RGS14: variants seen among roughly 807,000 people sequenced by gnomAD.
RGS14 encodes the protein regulator of G-protein signaling 14.
In RGS14, 33 loss-of-function variants were observed where a neutral mutation model predicts 63.8. That is an observed-to-expected ratio of 0.52 (90% CI 0.39 to 0.69). The LOEUF (loss-of-function observed/expected upper bound fraction) is 0.69, where lower values mean the gene tolerates loss of function less well. Among genes scored for constraint, RGS14 ranks in the 30% least tolerant of loss-of-function variants. The pLI, the probability that RGS14 is intolerant of heterozygous loss-of-function variation, is 0.00. For missense variants in RGS14, 739 were observed against 742.9 expected (o/e 0.99, Z 0.06); for synonymous variants, 296 against 320.9 (o/e 0.92, Z 0.83).
rs1409106476 is a variant in RGS14 at position 177,371,494 on chromosome 5, A to C, written c.1403A>C (p.Gln468Pro). 1.2e-6 allele frequency: 2 copies of C among 1,613,914 alleles called. No homozygotes were observed. Among genetic ancestry groups the C allele is most frequent in the South Asian group, 2.2e-5 (2 of 91,060 alleles). ...TCGCAGGGCTGCCCACCTAGAACTC[A>C]GGATAAGGCCACCCATCCCCCTCCA... ...CRSQGCPPRT[Q>P]DKATHPPPAS... The change falls in exon 14 of 15, where the codon CAG (glutamine) becomes CCG (proline). Residue 468 changes from glutamine (Q) to proline (P), a missense_variant. Transcript: ENST00000408923. This position sits in a 1 kb window ranked among gnomAD's most constrained non-coding sequence, Gnocchi z 6.1.
chr5:177,361,433 C>T (rs116784745), intron 1 of RGS14, among the ~76,000 whole-genome samples: 2 of 152,302 alleles, frequency 1.3e-5, no homozygotes, highest in African/African-American at 4.8e-5. Flanking sequence ...CCAGATTAGA[C>T]TTGCCCACCT....
chr5:177,369,071 C>T, intron 9 of RGS14, 151 bp downstream of exon 9: 1 of 695,526 alleles, frequency 1.4e-6, no homozygotes, highest in South Asian at 1.7e-5. Context: ...CTCACTCAGA[C>T]ATCCACCCAC....
At chr5:177,367,203 G>A (rs1048796702) in intron 5 of RGS14, 169 bp downstream of exon 5, 3 of 1,106,142 alleles carry the variant, frequency 2.7e-6, no homozygotes, top group African/African-American at 3.1e-5. Flanking sequence ...GGTATCAGAG[G>A]CACGGGGAAG....
Position 177,364,742 on chromosome 5 carries a change from C to T in RGS14, c.46-1221C>T, listed in dbSNP as rs536312876. Among the ~76,000 whole-genome samples, 5 of 152,246 alleles carry T rather than the reference C, an allele frequency of 3.3e-5. No individual in the cohort carries two copies. The South Asian group carries it at 8.3e-4, about 25-fold the overall frequency. On this transcript the variant is annotated intron_variant, in intron 1 of 14. Transcript: ENST00000408923. The surrounding 1 kb of genome is among the most constrained non-coding windows in gnomAD (Gnocchi z 4.6). ...TAAAAAGAGAAACAAGAGAAACCACCGCAAGAGTCATTTTGAGAGGAGAGT... is the reference window on the plus strand; with the variant it reads ...TAAAAAGAGAAACAAGAGAAACCACTGCAAGAGTCATTTTGAGAGGAGAGT...
In RGS14 at chr5:177,371,078, GCCGGGGCCGGGGCCGGGGC is replaced by G. The variant is rs776754516; in HGVS notation, c.1254+49_1254+67del. 1,034 of 306,586 alleles carry G rather than the reference GCCGGGGCCGGGGCCGGGGC, an allele frequency of 3.4e-3. 43 individuals are homozygous for G. In the African/African-American group the frequency reaches 0.045, roughly 13 times the overall value. 19.0% of individuals were successfully genotyped at this position (306,586 alleles called of 1,614,324 possible). On this transcript the variant is annotated intron_variant, in intron 11 of 14. Coordinates refer to ENST00000408923, the MANE Select transcript of RGS14 (RefSeq NM_006480.5). The surrounding 1 kb of genome is among the most constrained non-coding windows in gnomAD (Gnocchi z 6.1). Reference sequence around the variant, plus strand: ...CGGGGCGGGGCGGGGCCGGGCCGGGGCCGGGGCCGGGGCCGGGGCCGGGGCCGGGGCCGGGGCCGGGGCC... The same window carrying G: ...CGGGGCGGGGCGGGGCCGGGCCGGGGCGGGGCCGGGGCCGGGGCCGGGGCC...
chr5:177,366,802 T>TG lies in RGS14; in HGVS notation c.339+7dup. ...ATCCCGGCCAGCGATACCCAGCAGGTGGGGGAAGGGGGAGCTGGGGCCGAG... is the reference window on the plus strand; with the variant it reads ...ATCCCGGCCAGCGATACCCAGCAGGTGGGGGGAAGGGGGAGCTGGGGCCGAG... On this transcript the variant is annotated splice_region_variant and intron_variant, in intron 4 of 14. Transcript: ENST00000408923. The TG allele has an allele frequency of 6.2e-7, 1 of 1,613,602 alleles. No individual in the cohort carries two copies. Among genetic ancestry groups the TG allele is most frequent in the Non-Finnish European group, 8.5e-7 (1 of 1,179,862 alleles).
Position 177,370,915 on chromosome 5 carries a change from A to G in RGS14, c.1138A>G (p.Thr380Ala). Residue 380 changes from threonine (T) to alanine (A), a missense_variant, in exon 11 of 15, where the codon ACG becomes GCG. By Grantham distance (58) the Thr-to-Ala change is moderately conservative. Coordinates refer to ENST00000408923, the MANE Select transcript of RGS14 (RefSeq NM_006480.5). ...GAGGGTTCCTCGCAGGCTGGAGCTG[A>G]CGGCGCTGGAGCGCGTGGTACGAAT... ...ENRITFELEL[T>A]ALERVVRISA... 6.2e-7 allele frequency: 1 copy of G among 1,605,144 alleles called. No homozygotes were observed. The highest frequency in any genetic ancestry group is 8.5e-7 in the Non-Finnish European group (1 of 1,179,552).
rs866018055 is a variant in RGS14, at chr5:177,358,938, T to G, written c.45+869T>G. Among the ~76,000 whole-genome samples the G allele has an allele frequency of 1.3e-5, 2 of 152,318 alleles. No individual in the cohort carries two copies. The highest frequency in any genetic ancestry group is 2.9e-5 in the Non-Finnish European group (2 of 68,012). On this transcript the variant is annotated intron_variant, in intron 1 of 14. Transcript: ENST00000408923. The surrounding 1 kb of genome is among the most constrained non-coding windows in gnomAD (Gnocchi z 4.8). ...ACCTGGGTTCCAGTCCTGGTTCTAT[T>G]CTCTCTTACTGGAGGGAGGGTCCTC...
At position 177,371,516 on chromosome 5, in the gene RGS14, T is replaced by C. The variant is rs1211735675; in HGVS notation, c.1425T>C (p.Pro475=). 1 of 1,613,622 alleles carries C rather than the reference T, an allele frequency of 6.2e-7. No individual in the cohort carries two copies. Among genetic ancestry groups the C allele is most frequent in the East Asian group, 2.2e-5 (1 of 44,874 alleles). The change falls in exon 14 of 15, where the codon CCT becomes CCC. Residue 475 remains proline, a synonymous_variant. Coordinates refer to ENST00000408923, the MANE Select transcript of RGS14 (RefSeq NM_006480.5). The surrounding 1 kb of genome is among the most constrained non-coding windows in gnomAD (Gnocchi z 6.1). The part of the protein sequence containing the change: ...PRTQDKATHP[P]PASPSSLVKV... ...CTCAGGATAAGGCCACCCATCCCCCTCCAGCGTCCCCCAGTTCTCTGGTGA... is the reference window on the plus strand; with the variant it reads ...CTCAGGATAAGGCCACCCATCCCCCCCCAGCGTCCCCCAGTTCTCTGGTGA...
Position 177,368,797 on chromosome 5 carries a change from T to C in RGS14, c.930T>C (p.Asp310=), listed in dbSNP as rs1432550229. 9 of 1,614,132 alleles carry C rather than the reference T, an allele frequency of 5.6e-6. No homozygotes were observed. In the African/African-American group the frequency reaches 1.1e-4, roughly 19 times the overall value. The change falls in exon 9 of 15, where the codon GAT becomes GAC. Residue 310 remains aspartate (D), a synonymous_variant. Transcript: ENST00000408923. ...PGKYCCVYLP[D]GTASLALARP... The stretch of plus-strand genomic sequence containing the variant: ...AGTACTGCTGTGTGTACCTGCCCGA[T>C]GGCACAGCCTCCTTGGCCCTGGCCA...
In RGS14 at chr5:177,357,941, G is replaced by T; in HGVS notation, c.-84G>T. The stretch of plus-strand genomic sequence containing the variant: ...GTCAGGCTCTCTCCACTGCCTGCCC[G>T]CCACCGTGCAAGCTCTGGCCGGCGC... On this transcript the variant is annotated 5_prime_UTR_variant, in exon 1 of 15. Transcript: ENST00000408923. 1 of 1,213,618 alleles carries T rather than the reference G, an allele frequency of 8.2e-7. No individual in the cohort carries two copies. The highest frequency in any genetic ancestry group is 1.1e-6 in the Non-Finnish European group (1 of 950,724). The allele number at this position is 1,213,618 out of a possible 1,614,324, so 75.2% of individuals were successfully genotyped here.
intron 6 of RGS14, 45 bp from the exon 7 acceptor site, chr5:177,367,669 G>A (rs1405689014): frequency 6.3e-7 from 1 of 1,597,462 alleles, no homozygotes; most frequent in Non-Finnish European, 8.5e-7. Flanking sequence ...GTCTGCATGC[G>A]GGCTGGGGCC....
In RGS14 at chr5:177,367,488, C is replaced by G. The variant is rs749313728; in HGVS notation, c.558C>G (p.Ala186=). The G allele has an allele frequency of 5.6e-6, 9 of 1,612,774 alleles. No homozygotes were observed. The South Asian group carries it at 7.7e-5, about 14-fold the overall frequency. Residue 186 remains alanine (A), a synonymous_variant, in exon 6 of 15, where the codon GCC becomes GCG. Transcript: ENST00000408923. The part of the protein sequence containing the change: ...KSPLYRECLL[A]EAEGRPLREP... Reference sequence around the variant, plus strand: ...CGCTGTACCGCGAGTGCCTGCTAGCCGAAGCCGAGGGACGCCCTCTGCGGG... The same window carrying G: ...CGCTGTACCGCGAGTGCCTGCTAGCGGAAGCCGAGGGACGCCCTCTGCGGG...
chr5:177,367,175 G>C, intron 5 of RGS14, 141 bp downstream of exon 5: 1 of 1,243,186 alleles, frequency 8.0e-7, no homozygotes, highest in Non-Finnish European at 1.1e-6. Context: ...GGGGCAGGCA[G>C]GGCGGAGCTC....
In RGS14 at chr5:177,364,273, G is replaced by C. The variant is rs1023501984; in HGVS notation, c.46-1690G>C. Among the ~76,000 whole-genome samples the C allele has an allele frequency of 6.6e-6, 1 of 152,178 alleles. No individual in the cohort carries two copies. Among genetic ancestry groups the C allele is most frequent in the African/African-American group, 2.4e-5 (1 of 41,426 alleles). Reference sequence around the variant, plus strand: ...TGGTGGTAGGAACTTCTGTGACAGGGCATGGTGAAAGTGTAGGAGGTAAGC... The same window carrying C: ...TGGTGGTAGGAACTTCTGTGACAGGCCATGGTGAAAGTGTAGGAGGTAAGC... On this transcript the variant is annotated intron_variant, in intron 1 of 14. Coordinates refer to ENST00000408923, the MANE Select transcript of RGS14 (RefSeq NM_006480.5). The surrounding 1 kb of genome is among the most constrained non-coding windows in gnomAD (Gnocchi z 4.6).
rs775580832 is a variant in RGS14, at chr5:177,370,906, C to T, written c.1129C>T (p.Leu377=). ...CTGCTGCCCGAGGGTTCCTCGCAGG[C>T]TGGAGCTGACGGCGCTGGAGCGCGT... The part of the protein sequence containing the change: ...VRLENRITFE[L]ELTALERVVR... Residue 377 remains leucine (L), a splice_region_variant and synonymous_variant, in exon 11 of 15, where the codon CTG becomes TTG. Coordinates refer to ENST00000408923, the MANE Select transcript of RGS14 (RefSeq NM_006480.5). 1.2e-6 allele frequency: 2 copies of T among 1,603,892 alleles called. No homozygotes were observed. The highest frequency in any genetic ancestry group is 2.2e-5 in the South Asian group (2 of 90,848).
At position 177,367,541 on chromosome 5, in the gene RGS14, C is replaced by T; in HGVS notation, c.611C>T (p.Pro204Leu). 1 of 1,610,556 alleles carries T rather than the reference C, an allele frequency of 6.2e-7. No homozygotes were observed. The highest frequency in any genetic ancestry group is 8.5e-7 in the Non-Finnish European group (1 of 1,178,512). The change falls in exon 6 of 15, where the codon CCT becomes CTT. Residue 204 changes from proline (P) to leucine (L), a missense_variant. By Grantham distance (98) the Pro-to-Leu change is moderately conservative (BLOSUM62 -3). Coordinates refer to ENST00000408923, the MANE Select transcript of RGS14 (RefSeq NM_006480.5). The stretch of plus-strand genomic sequence containing the variant: ...CCTGGCTCCTCGCGCCTCGGCAGCC[C>T]TGACGCCACGAGGAAGGTGCGTGGG... ...REPGSSRLGS[P>L]DATRKKPKLK... is the part of the protein sequence containing the mutation.
chr5:177,367,673 T>G, intron 6 of RGS14, 41 bp from the exon 7 acceptor site: 1 of 1,598,936 alleles, frequency 6.3e-7, no homozygotes, highest in South Asian at 1.1e-5. Context: ...GCATGCGGGC[T>G]GGGGCCCAGC....
At position 177,371,594 on chromosome 5, in the gene RGS14, A is replaced by G. The variant is rs1180243690; in HGVS notation, c.1498+5A>G. On this transcript the variant is annotated splice_donor_5th_base_variant and intron_variant, in intron 14 of 14. Coordinates refer to ENST00000408923, the MANE Select transcript of RGS14 (RefSeq NM_006480.5). This position sits in a 1 kb window ranked among gnomAD's most constrained non-coding sequence, Gnocchi z 6.1. ...GGCAGACCTGTGACATCGAAGGTACATGGTGGATGAGCTGGGGATCAGAAA... is the reference window on the plus strand; with the variant it reads ...GGCAGACCTGTGACATCGAAGGTACGTGGTGGATGAGCTGGGGATCAGAAA... 9.9e-6 allele frequency: 16 copies of G among 1,611,288 alleles called. No homozygotes were observed. Among genetic ancestry groups the G allele is most frequent in the Middle Eastern group, 1.6e-4 (1 of 6,080 alleles).
Sources: allele counts gnomAD v4.1 joint callset (sites outside exome capture counted in the v4.1 genomes callset), GRCh38; gene constraint gnomAD v4.1.1; non-coding constraint Gnocchi (gnomAD v3.1); transcripts MANE v1.5; gene names NCBI Gene and HGNC (gene_info 2026-07-23, HGNC 2026-07-21).